VIT: variants seen among roughly 807,000 people sequenced by gnomAD.
VIT encodes the protein vitrin.
In VIT, 99 loss-of-function variants were observed where a neutral mutation model predicts 78.0. The ratio of observed to expected loss-of-function variants is 1.27; its 90% CI spans 1.08 to 1.50. The LOEUF is 1.50. VIT is among the 40% of genes most tolerant of loss of function. The probability of loss-of-function intolerance (pLI) is 0.00; values close to 1 mark genes in which losing one functional copy is unlikely to be tolerated. For missense variants in VIT, 1,126 were observed against 875.3 expected (o/e 1.29, Z -3.61); for synonymous variants, 374 against 334.3 (o/e 1.12, Z -1.29).
intron 12 of VIT, among the ~76,000 whole-genome samples, chr2:36,793,656 C>T (rs1300959431): frequency 1.3e-5 from 2 of 152,174 alleles, no homozygotes; most frequent in African/African-American, 4.8e-5. Flanking sequence ...GCTAGTAAAA[C>T]AATTAAAAGG....
intron 13 of VIT, among the ~76,000 whole-genome samples, chr2:36,802,766 G>T (rs1282218291): frequency 6.6e-6 from 1 of 152,232 alleles, no homozygotes; most frequent in African/African-American, 2.4e-5. Flanking sequence ...TGGATGACAT[G>T]TTCTGACTTT....
chr2:36,739,686 C>A (rs140212558), intron 3 of VIT, among the ~76,000 whole-genome samples: 9 of 152,102 alleles, frequency 5.9e-5, no homozygotes, highest in Admixed American at 5.2e-4. Flanking sequence ...ATTTCTGATA[C>A]GAAAGTGAGA....
chr2:36,717,891 G>T lies in VIT; in HGVS notation c.52+1469G>T, dbSNP rs139035162. Among the ~76,000 whole-genome samples the T allele has an allele frequency of 9.8e-5, 15 of 152,312 alleles. No individual in the cohort carries two copies. In the East Asian group the frequency reaches 1.7e-3, roughly 18 times the overall value. On this transcript the variant is annotated intron_variant, in intron 2 of 15. Transcript: ENST00000379242. ...GTCCAAAATCAGTGTCAAGAGGGTT[G>T]GTTCTTTCAGAGGGCTGCAAGGGAG...
At chr2:36,756,208 T>A (rs747283165) in intron 5 of VIT, among the ~76,000 whole-genome samples, 3 of 152,072 alleles carry the variant, frequency 2.0e-5, no homozygotes, top group Non-Finnish European at 4.4e-5. Context: ...TCCGCCCACC[T>A]CGGCCTCCCA....
intron 9 of VIT, among the ~76,000 whole-genome samples, chr2:36,779,660 G>A (rs566916636): frequency 2.2e-4 from 34 of 152,196 alleles, no homozygotes; most frequent in African/African-American, 8.2e-4. Context: ...AGTACGTGCT[G>A]TTCCCCACCA....
At chr2:36,702,820 G>C (rs74645012) in intron 1 of VIT, among the ~76,000 whole-genome samples, 3 of 152,126 alleles carry the variant, frequency 2.0e-5, no homozygotes, top group African/African-American at 7.2e-5. Flanking sequence ...CCCCTACTGC[G>C]TTGGGGATTC....
intron 3 of VIT, among the ~76,000 whole-genome samples, chr2:36,730,434 A>T (rs1013963268): frequency 3.8e-4 from 58 of 152,104 alleles, no homozygotes; most frequent in African/African-American, 1.3e-3. Flanking sequence ...TAATTCTGCC[A>T]TTTTCCATGC....
chr2:36,712,149 AT>A (rs11436639), intron 1 of VIT, among the ~76,000 whole-genome samples: 18,657 of 150,956 alleles, frequency 0.12, 1,676 homozygotes, highest in South Asian at 0.27. Context: ...AGAGGGTTTG[AT>A]TTTTTTTTTC....
At chr2:36,811,535 G>A (rs1667168823) in intron 15 of VIT, among the ~76,000 whole-genome samples, 1 of 152,200 alleles carries the variant, frequency 6.6e-6, no homozygotes, top group Non-Finnish European at 1.5e-5. Context: ...CAAATGTAAT[G>A]AGCATTGTGT....
intron 3 of VIT, among the ~76,000 whole-genome samples, chr2:36,736,500 A>G (rs955761626): frequency 6.6e-6 from 1 of 152,202 alleles, no homozygotes; most frequent in Non-Finnish European, 1.5e-5. Context: ...AATCTCATCA[A>G]TGGCTTTTCA....
chr2:36,808,559 G>A lies in VIT; in HGVS notation c.1477G>A (p.Val493Ile), dbSNP rs370974225. 9.9e-6 allele frequency: 16 copies of A among 1,614,012 alleles called. No homozygotes were observed. The African/African-American group carries it at 1.6e-4, about 16-fold the overall frequency. ...GACCCTGCAGCCTCTGGTGAAGCGG[G>A]TCTGCGACACTGACCGCCTGGCCTG... ...HKTLQPLVKRVCDTDRLACSK... is the reference protein window; with the variant it reads ...HKTLQPLVKRICDTDRLACSK... The change falls in exon 15 of 16, where the codon GTC (valine) becomes ATC (isoleucine). Residue 493 changes from valine (V) to isoleucine (I), a missense_variant. Val to Ile is a conservative substitution (Grantham distance 29). Transcript: ENST00000379242.
In VIT at chr2:36,801,392, C is replaced by G. The variant is rs1452488442; in HGVS notation, c.1150C>G (p.Leu384Val). The G allele has an allele frequency of 5.6e-6, 9 of 1,611,410 alleles. No individual in the cohort carries two copies. The highest frequency in any genetic ancestry group is 1.3e-5 in the African/African-American group (1 of 74,830). ...AIEKITQRGG[L>V]SNVGRAISFV... ...AGAGAAAATTACTCAGAGAGGAGGA[C>G]TTTCTAATGTAGGTATGTGATCCGG... Residue 384 changes from leucine to valine, a missense_variant, in exon 13 of 16, where the codon CTT becomes GTT. By Grantham distance (32) the Leu-to-Val change is conservative. Transcript: ENST00000379242.
Position 36,808,893 on chromosome 2 carries a change from C to G in VIT, c.1811C>G (p.Ser604Cys). The change falls in exon 15 of 16, where the codon TCC (serine) becomes TGC (cysteine). Residue 604 changes from serine to cysteine, a missense_variant. Transcript: ENST00000379242. ...GCCCTGGAGCAGCTCTTCAAGAAGT[C>G]CAAGCCCAACAAGAGGAAGTTAATG... ...NFALEQLFKK[S>C]KPNKRKLMIL... is the part of the protein sequence containing the mutation. 2.5e-6 allele frequency: 4 copies of G among 1,614,092 alleles called. No homozygotes were observed. The highest frequency in any genetic ancestry group is 3.4e-6 in the Non-Finnish European group (4 of 1,180,020).
At chr2:36,707,261 A>G (rs888938828) in intron 1 of VIT, among the ~76,000 whole-genome samples, 3 of 152,056 alleles carry the variant, frequency 2.0e-5, no homozygotes, top group South Asian at 2.1e-4. Context: ...GCTCTGACTC[A>G]TTTCTCTGTG....
rs74674857 is a variant in VIT at position 36,798,186 on chromosome 2, T to C, written c.1059-3115T>C. On this transcript the variant is annotated intron_variant, in intron 12 of 15. Transcript: ENST00000379242. The stretch of plus-strand genomic sequence containing the variant: ...CATCAAGTTTAGCAATGGGAATTTC[T>C]GATGATTTCCAAGCAGGGGAATTTT... 7.2e-5 allele frequency among the ~76,000 whole-genome samples: 11 copies of C among 152,298 alleles called. No individual in the cohort carries two copies. The East Asian group carries it at 2.1e-3, about 29-fold the overall frequency.
intron 4 of VIT, among the ~76,000 whole-genome samples, chr2:36,747,196 T>C (rs1397815118): frequency 6.6e-6 from 1 of 152,184 alleles, no homozygotes; most frequent in Non-Finnish European, 1.5e-5. Flanking sequence ...TTTTAATTTA[T>C]TGAGACTTGC....
intron 11 of VIT, among the ~76,000 whole-genome samples, chr2:36,783,815 A>G (rs1664919743): frequency 6.6e-6 from 1 of 152,172 alleles, no homozygotes; most frequent in African/African-American, 2.4e-5. Flanking sequence ...TGGAAGGTGG[A>G]GGTTCGAGAG....
At chr2:36,698,593 A>G (rs1006842267) in intron 1 of VIT, among the ~76,000 whole-genome samples, 1 of 152,178 alleles carries the variant, frequency 6.6e-6, no homozygotes, top group South Asian at 2.1e-4. Context: ...GGCGGCCACA[A>G]GGGTCAATAG....
intron 4 of VIT, among the ~76,000 whole-genome samples, chr2:36,744,686 G>C (rs1026080038): frequency 4.6e-5 from 7 of 151,844 alleles, no homozygotes; most frequent in Non-Finnish European, 8.8e-5. Flanking sequence ...TTGATTGTTT[G>C]ATTAAGTCCC....
Sources: allele counts gnomAD v4.1 joint callset (sites outside exome capture counted in the v4.1 genomes callset), GRCh38; gene constraint gnomAD v4.1.1; transcripts MANE v1.5; gene names NCBI Gene and HGNC (gene_info 2026-07-23, HGNC 2026-07-21).